The following NRDE2 variants were observed in gnomAD, a reference collection of about 807,000 sequenced individuals.
NRDE2 encodes the protein nuclear exosome regulator NRDE2.
A neutral mutation model predicts 124.2 loss-of-function variants in NRDE2; 76 were observed. The observed-to-expected ratio is 0.61, with a 90% CI of 0.51 to 0.74. The LOEUF (loss-of-function observed/expected upper bound fraction) is 0.74. Among genes scored for constraint, NRDE2 ranks in the 30% least tolerant of loss-of-function variants. The pLI is 0.00. For synonymous variants in NRDE2, 489 were observed against 528.1 expected (o/e 0.93, Z 1.01); for missense variants, 1,314 against 1,417.3 (o/e 0.93, Z 1.17).
At chr14:90,299,886 G>A (rs920644254) in intron 7 of NRDE2, among the ~76,000 whole-genome samples, 4 of 152,174 alleles carry the variant, frequency 2.6e-5, no homozygotes, top group Non-Finnish European at 5.9e-5. Flanking sequence ...AGTAATATCA[G>A]ACCTGCCTGT....
intron 8 of NRDE2, among the ~76,000 whole-genome samples, chr14:90,298,025 G>A (rs1239788046): frequency 1.3e-5 from 2 of 151,958 alleles, no homozygotes; most frequent in African/African-American, 4.8e-5. Flanking sequence ...AAGGAAAAAG[G>A]GAAATTACAG....
chr14:90,288,364 T>A lies in NRDE2; in HGVS notation c.3011A>T (p.Tyr1004Phe). The A allele has an allele frequency of 6.2e-7, 1 of 1,614,182 alleles. No individual in the cohort carries two copies. The highest frequency in any genetic ancestry group is 8.5e-7 in the Non-Finnish European group (1 of 1,180,042). ...GTGGGACTTATTCTGAATCTGTACA[T>A]AGGACCTCCAAAGAACCTGGTTGCC... ...YPGNQVLWRS[Y>F]VQIQNKSHSA... is the part of the protein sequence containing the mutation. Residue 1004 changes from tyrosine to phenylalanine, a missense_variant, in exon 11 of 14, where the codon TAT (tyrosine) becomes TTT (phenylalanine). Physicochemically the swap from Tyr to Phe is conservative, Grantham distance 22 (BLOSUM62 3). Transcript: ENST00000354366.
At chr14:90,301,100 T>A in intron 7 of NRDE2, 139 bp downstream of exon 7, 1 of 799,662 alleles carries the variant, frequency 1.3e-6, no homozygotes, top group Non-Finnish European at 2.0e-6. Context: ...CAGACTGATA[T>A]AAAGGAGGAT....
In NRDE2 at chr14:90,298,387, A is replaced by C. The variant is rs1396010257; in HGVS notation, c.1546-7T>G. ...AGGGTTCAAAGAATTCCACCTGTTC[A>C]GATTTTAGAATGGACGTTAGACCTC... On this transcript the variant is annotated splice_polypyrimidine_tract_variant and splice_region_variant and intron_variant, in intron 7 of 13. Transcript: ENST00000354366. 6.2e-7 allele frequency: 1 copy of C among 1,613,736 alleles called. No homozygotes were observed. Among genetic ancestry groups the C allele is most frequent in the Admixed American group, 1.7e-5 (1 of 60,016 alleles).
At chr14:90,278,720 TCA>T (rs1448899362) in intron 13 of NRDE2, 1 of 539,652 alleles carries the variant, frequency 1.9e-6, no homozygotes, top group Admixed American at 3.1e-5. Flanking sequence ...GCCGTCGCCC[TCA>T]GTTTCACTTC....
chr14:90,278,363 C>A lies in NRDE2; in HGVS notation c.3468G>T (p.Glu1156Asp). The A allele has an allele frequency of 6.2e-7, 1 of 1,614,204 alleles. No homozygotes were observed. The highest frequency in any genetic ancestry group is 8.5e-7 in the Non-Finnish European group (1 of 1,180,024). Reference sequence around the variant, plus strand: ...AATCCTCCAGCAGCAGCTCCAGCTCCTCCAGCGGCAGGCGCACCCGGAGCT... The same window carrying A: ...AATCCTCCAGCAGCAGCTCCAGCTCATCCAGCGGCAGGCGCACCCGGAGCT... The part of the protein sequence containing the change: ...EKELRVRLPL[E>D]ELELLLED Residue 1156 changes from glutamate (E) to aspartate (D), a missense_variant, in exon 14 of 14, where the codon GAG (glutamate) becomes GAT (aspartate). Glu to Asp is a conservative substitution (Grantham distance 45, BLOSUM62 2). Coordinates refer to ENST00000354366, the MANE Select transcript of NRDE2 (RefSeq NM_017970.4).
intron 1 of NRDE2, among the ~76,000 whole-genome samples, chr14:90,325,159 G>C (rs1276983033): frequency 2.0e-5 from 3 of 152,114 alleles, no homozygotes; most frequent in Admixed American, 6.5e-5. Flanking sequence ...GCCATTTTTT[G>C]ATTTGTGGAC....
At chr14:90,319,324 T>C (rs1885160695) in intron 1 of NRDE2, among the ~76,000 whole-genome samples, 1 of 152,328 alleles carries the variant, frequency 6.6e-6, no homozygotes, top group Admixed American at 6.5e-5. Context: ...AACAGTTTTA[T>C]TGAGATATAA....
intron 1 of NRDE2, among the ~76,000 whole-genome samples, chr14:90,328,092 A>C (rs543605923): frequency 1.3e-5 from 2 of 151,672 alleles, no homozygotes; most frequent in South Asian, 4.2e-4. Flanking sequence ...GCAGTGAGCC[A>C]AGATCACACA....
chr14:90,295,389 C>T (rs1884108235), intron 8 of NRDE2, among the ~76,000 whole-genome samples: 1 of 151,928 alleles, frequency 6.6e-6, no homozygotes, highest in Non-Finnish European at 1.5e-5. Flanking sequence ...ATTATTCCAC[C>T]AATATTCTGC....
Position 90,269,924 on chromosome 14 carries a change from C to A in NRDE2, c.*8412G>T. On this transcript the variant is annotated 3_prime_UTR_variant, in exon 14 of 14. Coordinates refer to ENST00000354366, the MANE Select transcript of NRDE2 (RefSeq NM_017970.4). ...GCTGTCTTTTGTAATGTTTTTAACA[C>A]AATAGGTCTGCCCAGTTTCACTCAG... is the stretch of plus-strand genomic sequence containing the variant. The A allele has an allele frequency of 2.3e-6, 1 of 431,680 alleles. No individual in the cohort carries two copies. The highest frequency in any genetic ancestry group is 4.5e-5 in the South Asian group (1 of 22,098). The allele number at this position is 431,680 out of a possible 1,614,324, so 26.7% of individuals were successfully genotyped here. A position where few individuals can be genotyped will look rare whatever the true frequency, so the allele number is the denominator to read the frequency against.
intron 1 of NRDE2, among the ~76,000 whole-genome samples, chr14:90,331,029 C>A (rs1036954322): frequency 1.3e-5 from 2 of 151,856 alleles, no homozygotes; most frequent in African/African-American, 4.8e-5. Flanking sequence ...TGGGCTCAAG[C>A]AATCCTCCTA....
intron 1 of NRDE2, among the ~76,000 whole-genome samples, chr14:90,331,006 G>A (rs772412416): frequency 6.6e-6 from 1 of 151,354 alleles, no homozygotes; most frequent in Admixed American, 6.6e-5. Context: ...GGCTCACTGC[G>A]GCCTCAAACT....
chr14:90,321,161 G>A (rs1885226783), intron 1 of NRDE2, among the ~76,000 whole-genome samples: 1 of 152,192 alleles, frequency 6.6e-6, no homozygotes, highest in South Asian at 2.1e-4. Flanking sequence ...ACAGCTGGAA[G>A]AAAATGTAAA....
At chr14:90,323,637 G>A (rs1885317406) in intron 1 of NRDE2, among the ~76,000 whole-genome samples, 1 of 152,146 alleles carries the variant, frequency 6.6e-6, no homozygotes. Flanking sequence ...CAGCAAACAT[G>A]GCTGAGAACT....
At chr14:90,289,678 T>C (rs73318617) in intron 10 of NRDE2, among the ~76,000 whole-genome samples, 2,959 of 152,238 alleles carry the variant, frequency 0.019, 84 homozygotes, top group African/African-American at 0.065. Flanking sequence ...ACCTCTACCT[T>C]CCATGTTCAA....
At position 90,271,170 on chromosome 14, in the gene NRDE2, C is replaced by G. The variant is rs1485443707; in HGVS notation, c.*7166G>C. 6.6e-6 allele frequency: 1 copy of G among 152,204 alleles called. No homozygotes were observed. Among genetic ancestry groups the G allele is most frequent in the Non-Finnish European group, 1.5e-5 (1 of 68,034 alleles). The allele number at this position is 152,204 out of a possible 1,614,324, so 9.4% of individuals were successfully genotyped here. Reference sequence around the variant, plus strand: ...TTTTACCTGTTTGCTTTTTCTCTTTCTATACACAAAACTTTCTTTTCACCC... The same window carrying G: ...TTTTACCTGTTTGCTTTTTCTCTTTGTATACACAAAACTTTCTTTTCACCC... On this transcript the variant is annotated 3_prime_UTR_variant, in exon 14 of 14. Transcript: ENST00000354366.
At chr14:90,321,480 G>C (rs1370770848) in intron 1 of NRDE2, among the ~76,000 whole-genome samples, 2 of 148,488 alleles carry the variant, frequency 1.3e-5, no homozygotes, top group Non-Finnish European at 3.0e-5. Flanking sequence ...GGGAAGCTGA[G>C]AAGGGAGGAC....
intron 1 of NRDE2, among the ~76,000 whole-genome samples, chr14:90,329,461 A>C (rs1885580433): frequency 6.6e-6 from 1 of 152,128 alleles, no homozygotes; most frequent in African/African-American, 2.4e-5. Flanking sequence ...GAACTTTGGG[A>C]GGCTGAGGCA....
Sources: allele counts gnomAD v4.1 joint callset (sites outside exome capture counted in the v4.1 genomes callset), GRCh38; gene constraint gnomAD v4.1.1; transcripts MANE v1.5; gene names NCBI Gene and HGNC (gene_info 2026-07-23, HGNC 2026-07-21).